UBTD2: variants seen among roughly 807,000 people sequenced by gnomAD.
UBTD2 encodes the protein ubiquitin domain-containing protein 2.
In UBTD2, 9 loss-of-function variants were observed where a neutral mutation model predicts 19.8. That is an observed-to-expected ratio of 0.46 (90% confidence interval 0.27 to 0.79). The LOEUF (loss-of-function observed/expected upper bound fraction) is 0.79, where lower values mean the gene tolerates loss of function less well. Ranked by LOEUF, UBTD2 falls within the 30% of genes least tolerant of loss-of-function variation. The probability of loss-of-function intolerance (pLI) is 0.14; values close to 1 mark genes in which losing one functional copy is unlikely to be tolerated. For synonymous variants in UBTD2, 98 were observed against 103.9 expected, an observed-to-expected ratio of 0.94 and a Z score of 0.35; for missense variants, 250 against 300.4, an observed-to-expected ratio of 0.83 and a Z score of 1.24.
rs57155195 is a variant in UBTD2 at position 172,225,933 on chromosome 5, C to CTTT, written c.307+8186_307+8188dup. 8.8e-3 allele frequency among the ~76,000 whole-genome samples: 941 copies of CTTT among 107,388 alleles called. 26 individuals carry two copies. Among genetic ancestry groups the CTTT allele is most frequent in the African/African-American group, 0.012 (315 of 25,992 alleles). The allele number at this position is 107,388 out of a possible 152,430, so 70.5% of individuals were successfully genotyped here. A position where few individuals can be genotyped will look rare whatever the true frequency, so the allele number is the denominator to read the frequency against. ...TTTTCTGAGTCAGAAGGCTTAAACT[C>CTTT]TTTTTTTTTTTTTTTTTTTTTTGAG... On this transcript the variant is annotated intron_variant, in intron 2 of 2. Coordinates refer to ENST00000393792, the MANE Select transcript of UBTD2 (RefSeq NM_152277.3).
At position 172,232,587 on chromosome 5, in the gene UBTD2, ACAG is replaced by A. The variant is rs1771923493; in HGVS notation, c.307+1532_307+1534del. 2.0e-5 allele frequency among the ~76,000 whole-genome samples: 3 copies of A among 152,100 alleles called. No homozygotes were observed. In the South Asian group the frequency reaches 6.2e-4, roughly 32 times the overall value. The stretch of plus-strand genomic sequence containing the variant: ...TAAGTTAAGTATCTTTTGGACAGGC[ACAG>A]CAGCTCATGCTTATAACCTCAGCAC... On this transcript the variant is annotated intron_variant, in intron 2 of 2. Coordinates refer to ENST00000393792, the MANE Select transcript of UBTD2 (RefSeq NM_152277.3).
chr5:172,277,118 G>C (rs889221270), intron 1 of UBTD2, among the ~76,000 whole-genome samples: 2 of 137,996 alleles, frequency 1.4e-5, no homozygotes, highest in African/African-American at 5.4e-5. Context: ...AAAAGAAGAC[G>C]AAGTACATTT....
At chr5:172,251,314 C>CAAAAAAAAAAAGAAAAAAA in intron 1 of UBTD2, among the ~76,000 whole-genome samples, 1 of 118,244 alleles carries the variant, frequency 8.5e-6, no homozygotes, top group African/African-American at 3.4e-5. Context: ...GAGCCTATCT[C>CAAAAAAAAAAAGAAAAAAA]AAAAAAAAAA....
intron 1 of UBTD2, 57 bp from the exon 2 acceptor site, chr5:172,234,415 A>G (rs1771968260): frequency 5.0e-6 from 7 of 1,392,892 alleles, no homozygotes; most frequent in South Asian, 1.2e-5. Flanking sequence ...ATATGTATCA[A>G]AAGTTATCTG....
At chr5:172,243,178 T>G (rs1257449281) in intron 1 of UBTD2, among the ~76,000 whole-genome samples, 1 of 151,770 alleles carries the variant, frequency 6.6e-6, no homozygotes, top group Non-Finnish European at 1.5e-5. Flanking sequence ...AAACTTTTTT[T>G]GGGGAAAAAT....
At chr5:172,235,041 G>A (rs1771980369) in intron 1 of UBTD2, among the ~76,000 whole-genome samples, 1 of 152,132 alleles carries the variant, frequency 6.6e-6, no homozygotes. Context: ...GGAAATCTCT[G>A]TACCTTCCTC....
chr5:172,241,461 T>C (rs1213834050), intron 1 of UBTD2, among the ~76,000 whole-genome samples: 1 of 147,528 alleles, frequency 6.8e-6, no homozygotes, highest in Non-Finnish European at 1.5e-5. Context: ...CTTTTAACAC[T>C]ATTTGGAAAC....
At chr5:172,219,809 T>C (rs1303344475) in intron 2 of UBTD2, among the ~76,000 whole-genome samples, 1 of 152,206 alleles carries the variant, frequency 6.6e-6, no homozygotes, top group African/African-American at 2.4e-5. Flanking sequence ...GACAAGCGAT[T>C]AGTTCAGTTG....
chr5:172,264,203 G>A (rs936174170), intron 1 of UBTD2, among the ~76,000 whole-genome samples: 6 of 152,014 alleles, frequency 3.9e-5, no homozygotes, highest in Admixed American at 1.3e-4. Flanking sequence ...ATAACTTGTC[G>A]TCAGATTGTT....
intron 1 of UBTD2, among the ~76,000 whole-genome samples, chr5:172,270,510 C>A (rs750604116): frequency 1.3e-5 from 2 of 151,844 alleles, no homozygotes; most frequent in Non-Finnish European, 2.9e-5. Flanking sequence ...CGCCCACCAC[C>A]ACGCCAGGCT....
chr5:172,233,606 A>C (rs1415712251), intron 2 of UBTD2, among the ~76,000 whole-genome samples: 1 of 152,138 alleles, frequency 6.6e-6, no homozygotes, highest in Non-Finnish European at 1.5e-5. Flanking sequence ...GTCCTTAAAA[A>C]CATGCGGGAC....
intron 1 of UBTD2, among the ~76,000 whole-genome samples, chr5:172,269,665 C>T (rs1755445435): frequency 6.7e-6 from 1 of 149,612 alleles, no homozygotes; most frequent in African/African-American, 2.5e-5. Context: ...TTAGACCAAA[C>T]TCTTTCCATA....
At chr5:172,243,885 T>A (rs570978394) in intron 1 of UBTD2, among the ~76,000 whole-genome samples, 2 of 152,176 alleles carry the variant, frequency 1.3e-5, no homozygotes, top group Admixed American at 1.3e-4. Flanking sequence ...TTTTACAGGA[T>A]ACGACCACAG....
At chr5:172,239,774 G>C (rs1456520087) in intron 1 of UBTD2, among the ~76,000 whole-genome samples, 1 of 151,820 alleles carries the variant, frequency 6.6e-6, no homozygotes, top group Non-Finnish European at 1.5e-5. Flanking sequence ...CGTGGTGGCA[G>C]GCACCTGGAA....
chr5:172,279,854 T>G (rs182295481), intron 1 of UBTD2, among the ~76,000 whole-genome samples: 2 of 152,036 alleles, frequency 1.3e-5, no homozygotes, highest in Non-Finnish European at 1.5e-5. Flanking sequence ...TGTCTGAAAA[T>G]GTCAAAACAG....
chr5:172,282,004 T>C (rs192518626), intron 1 of UBTD2, among the ~76,000 whole-genome samples: 84 of 152,326 alleles, frequency 5.5e-4, no homozygotes, highest in South Asian at 3.9e-3. Context: ...ATAATGCCTG[T>C]CTGGTCATAA....
Position 172,209,891 on chromosome 5 carries a change from G to A in UBTD2, c.*1939C>T, listed in dbSNP as rs1052347032. ...AACAAAGAAAGACCTTTTACCAATC[G>A]ATATCATAGATATTGATGACATCAC... On this transcript the variant is annotated 3_prime_UTR_variant, in exon 3 of 3. Transcript: ENST00000393792. 2.0e-5 allele frequency: 3 copies of A among 152,396 alleles called. No homozygotes were observed. The highest frequency in any genetic ancestry group is 6.6e-5 in the Admixed American group (1 of 15,254). 9.4% of individuals were successfully genotyped at this position (152,396 alleles called of 1,614,324 possible).
At chr5:172,269,771 T>C (rs1755447699) in intron 1 of UBTD2, among the ~76,000 whole-genome samples, 1 of 150,888 alleles carries the variant, frequency 6.6e-6, no homozygotes, top group Non-Finnish European at 1.5e-5. Context: ...TAAACACATT[T>C]TTTTTTTCTT....
At chr5:172,282,026 A>G (rs1391127664) in intron 1 of UBTD2, among the ~76,000 whole-genome samples, 1 of 152,250 alleles carries the variant, frequency 6.6e-6, no homozygotes, top group Admixed American at 6.5e-5. Context: ...TCACACTACC[A>G]AAAGGCTTAA....
Sources: gnomAD v4.1 joint callset for allele counts (sites outside exome capture counted in the v4.1 genomes callset) on GRCh38, gnomAD v4.1.1 for gene constraint, MANE v1.5 for transcripts, NCBI Gene and HGNC (gene_info 2026-07-23, HGNC 2026-07-21) for gene names.